Variants in F13A1 observed in about 807,000 individuals in gnomAD.
F13A1 encodes the protein FSF, A subunit.
In F13A1, 47 loss-of-function variants were observed where a neutral mutation model predicts 80.1. The ratio of observed to expected loss-of-function variants is 0.59; its 90% CI spans 0.46 to 0.75. The LOEUF is 0.75. F13A1 is among the 30% of genes least tolerant of loss of function. The pLI is 0.00. For synonymous variants in F13A1, 349 were observed against 344.9 expected (o/e 1.01, Z -0.13); for missense variants, 817 against 930.4 (o/e 0.88, Z 1.59).
chr6:6,167,375 C>T, intron 13 of F13A1, 83 bp downstream of exon 13: 2 of 1,346,824 alleles, frequency 1.5e-6, no homozygotes, highest in Non-Finnish European at 2.1e-6. Flanking sequence ...CACACACACA[C>T]ACATACAAGC....
intron 6 of F13A1, among the ~76,000 whole-genome samples, chr6:6,230,776 A>G (rs1348772461): frequency 6.6e-6 from 1 of 152,214 alleles, no homozygotes; most frequent in East Asian, 1.9e-4. Flanking sequence ...GATTCTGTGC[A>G]GACAATGCCC....
chr6:6,311,402 G>C (rs1758590375), intron 2 of F13A1, among the ~76,000 whole-genome samples: 1 of 151,756 alleles, frequency 6.6e-6, no homozygotes, highest in African/African-American at 2.4e-5. Context: ...AAGACCTCCA[G>C]ATCAGCAGTT....
rs565299319 is a variant in F13A1 at position 6,196,845 on chromosome 6, C to T, written c.1216+378G>A. On this transcript the variant is annotated intron_variant, in intron 9 of 14. Transcript: ENST00000264870. ...TAAAGGATGATCTATAATTATTTTTCGAGTTCTCTATTTTCTCTCCTGCCT... is the reference window on the plus strand; with the variant it reads ...TAAAGGATGATCTATAATTATTTTTTGAGTTCTCTATTTTCTCTCCTGCCT... Among the ~76,000 whole-genome samples the T allele has an allele frequency of 2.6e-5, 4 of 152,250 alleles. No individual in the cohort carries two copies. In the South Asian group the frequency reaches 6.2e-4, roughly 24 times the overall value.
At chr6:6,275,273 G>C (rs1757972205) in intron 3 of F13A1, among the ~76,000 whole-genome samples, 1 of 152,084 alleles carries the variant, frequency 6.6e-6, no homozygotes, top group African/African-American at 2.4e-5. Context: ...CATTAAGTAG[G>C]GGGGCAGAGC....
chr6:6,267,094 C>G (rs1334009161), intron 3 of F13A1, among the ~76,000 whole-genome samples: 1 of 152,130 alleles, frequency 6.6e-6, no homozygotes, highest in Admixed American at 6.5e-5. Context: ...TTACTAATTT[C>G]AAAGATCTTT....
intron 8 of F13A1, among the ~76,000 whole-genome samples, chr6:6,205,090 A>T (rs1251834410): frequency 1.3e-5 from 2 of 152,250 alleles, no homozygotes; most frequent in Admixed American, 6.5e-5. Context: ...TCAGTAAAGG[A>T]TGCTGTTGTA....
At chr6:6,196,370 A>C (rs1047944635) in intron 9 of F13A1, among the ~76,000 whole-genome samples, 1 of 152,228 alleles carries the variant, frequency 6.6e-6, no homozygotes, top group Non-Finnish European at 1.5e-5. Context: ...AGGAAGTCAG[A>C]GGGCCTATGT....
chr6:6,221,488 A>T (rs1583079052), intron 8 of F13A1, among the ~76,000 whole-genome samples: 1 of 152,228 alleles, frequency 6.6e-6, no homozygotes, highest in African/African-American at 2.4e-5. Flanking sequence ...GGTCAGAAGC[A>T]TTTGGGTTTA....
chr6:6,288,922 T>C (rs1758173880), intron 3 of F13A1, among the ~76,000 whole-genome samples: 1 of 152,226 alleles, frequency 6.6e-6, no homozygotes, highest in African/African-American at 2.4e-5. Flanking sequence ...CATTCTTCCA[T>C]AAGCCAGTTG....
chr6:6,170,550 A>G (rs1760754849), intron 12 of F13A1, among the ~76,000 whole-genome samples: 2 of 152,218 alleles, frequency 1.3e-5, no homozygotes. Context: ...TGCCAATATC[A>G]TTTACGGTGT....
Position 6,250,940 on chromosome 6 carries a change from G to T in F13A1, c.572-11C>A. 1 of 1,554,332 alleles carries T rather than the reference G, an allele frequency of 6.4e-7. No homozygotes were observed. The highest frequency in any genetic ancestry group is 8.9e-7 in the Non-Finnish European group (1 of 1,126,656). ...GATACACAGCATCATCTGCATCAGGGTTTAAACATAGTGACTATTACCAAA... is the reference window on the plus strand; with the variant it reads ...GATACACAGCATCATCTGCATCAGGTTTTAAACATAGTGACTATTACCAAA... On this transcript the variant is annotated splice_polypyrimidine_tract_variant and intron_variant, in intron 4 of 14. Coordinates refer to ENST00000264870, the MANE Select transcript of F13A1 (RefSeq NM_000129.4). The surrounding 1 kb of genome is among the most constrained non-coding windows in gnomAD (Gnocchi z 4.2).
chr6:6,262,450 C>T (rs1169006776), intron 4 of F13A1, among the ~76,000 whole-genome samples: 1 of 152,206 alleles, frequency 6.6e-6, no homozygotes, highest in Non-Finnish European at 1.5e-5. Context: ...AGTAGGACTC[C>T]TAGAGGCAGA....
intron 14 of F13A1, among the ~76,000 whole-genome samples, chr6:6,150,494 T>C (rs553862443): frequency 6.6e-5 from 10 of 152,362 alleles, no homozygotes; most frequent in East Asian, 1.9e-4. Flanking sequence ...AATGATGAGA[T>C]GCAGAAGCTA....
intron 4 of F13A1, among the ~76,000 whole-genome samples, chr6:6,255,404 T>C (rs893549070): frequency 6.6e-6 from 1 of 152,100 alleles, no homozygotes; most frequent in Non-Finnish European, 1.5e-5. Flanking sequence ...TTTTCCAAGG[T>C]CATGCAGCTA....
intron 12 of F13A1, among the ~76,000 whole-genome samples, chr6:6,173,922 G>C (rs972119735): frequency 6.6e-6 from 1 of 152,076 alleles, no homozygotes; most frequent in Non-Finnish European, 1.5e-5. Flanking sequence ...AGAGGGTGTG[G>C]GGTGGGACAT....
chr6:6,171,674 T>C (rs757420668), intron 12 of F13A1, among the ~76,000 whole-genome samples: 1 of 152,222 alleles, frequency 6.6e-6, no homozygotes, highest in Non-Finnish European at 1.5e-5. Flanking sequence ...TTATGCCACA[T>C]TTCTGCTCAA....
chr6:6,210,298 T>A (rs1346078773), intron 8 of F13A1, among the ~76,000 whole-genome samples: 1 of 129,520 alleles, frequency 7.7e-6, no homozygotes, highest in East Asian at 2.3e-4. Context: ...TTTAAAGGAG[T>A]GAATTTTGTA....
chr6:6,311,522 CAAAAA>C (rs36187372), intron 2 of F13A1, among the ~76,000 whole-genome samples: 4 of 142,976 alleles, frequency 2.8e-5, no homozygotes, highest in African/African-American at 1.0e-4. Context: ...AAACCTAAGT[CAAAAA>C]AAAAAAGACA....
At chr6:6,195,038 G>C (rs1457728431) in intron 10 of F13A1, among the ~76,000 whole-genome samples, 1 of 152,180 alleles carries the variant, frequency 6.6e-6, no homozygotes, top group African/African-American at 2.4e-5. Context: ...ATATACCCTG[G>C]GGAAGTCCTG....
Sources: allele counts gnomAD v4.1 joint callset (sites outside exome capture counted in the v4.1 genomes callset), GRCh38; gene constraint gnomAD v4.1.1; non-coding constraint Gnocchi (gnomAD v3.1); transcripts MANE v1.5; gene names NCBI Gene and HGNC (gene_info 2026-07-23, HGNC 2026-07-21).